Variants in STYXL1 observed in about 807,000 individuals in gnomAD.
STYXL1 encodes the protein serine/threonine/tyrosine interacting like 1.
A neutral mutation model predicts 36.4 loss-of-function variants in STYXL1; 32 were observed. The observed-to-expected ratio is 0.88, with a 90% confidence interval of 0.66 to 1.18. The LOEUF is 1.18. Among genes scored for constraint, STYXL1 ranks in the 50% most tolerant of loss-of-function variants. The pLI is 0.00. For missense variants in STYXL1, 354 were observed against 394.1 expected, an observed-to-expected ratio of 0.90 and a Z score of 0.86; for synonymous variants, 133 against 144.1, an observed-to-expected ratio of 0.92 and a Z score of 0.55.
intron 6 of STYXL1, among the ~76,000 whole-genome samples, 167 bp downstream of exon 6, chr7:76,005,092 C>T (rs1357625116): frequency 1.4e-5 from 2 of 147,366 alleles, no homozygotes; most frequent in African/African-American, 4.9e-5. Context: ...GGGTGCAGCA[C>T]ACCAACATGG....
intron 1 of STYXL1, among the ~76,000 whole-genome samples, chr7:76,047,334 T>C (rs563738391): frequency 8.5e-4 from 130 of 152,326 alleles, no homozygotes; most frequent in Non-Finnish European, 1.4e-3. Context: ...TCTGTCTGCG[T>C]AAACTCTACA....
intron 5 of STYXL1, among the ~76,000 whole-genome samples, chr7:76,011,252 T>A (rs1792520359): frequency 6.6e-6 from 1 of 152,120 alleles, no homozygotes; most frequent in South Asian, 2.1e-4. Flanking sequence ...CATTAACAAC[T>A]CATTGGCCAA....
chr7:76,010,796 C>T (rs1343539079), intron 5 of STYXL1, among the ~76,000 whole-genome samples: 1 of 152,154 alleles, frequency 6.6e-6, no homozygotes, highest in Non-Finnish European at 1.5e-5. Context: ...CCCAGCAAAC[C>T]CTAGGCTGCC....
At chr7:76,027,796 A>AT (rs1794887338) in intron 3 of STYXL1, among the ~76,000 whole-genome samples, 1 of 152,150 alleles carries the variant, frequency 6.6e-6, no homozygotes, top group Admixed American at 6.6e-5. Context: ...AATACCTGGC[A>AT]TATCAAGGAA....
At chr7:76,000,363 G>T (rs1350055855) in intron 8 of STYXL1, 2 of 454,192 alleles carry the variant, frequency 4.4e-6, no homozygotes, top group African/African-American at 4.0e-5. Context: ...CTGGGCAAAT[G>T]TTGGGGCTTT....
Position 76,021,875 on chromosome 7 carries a change from AATC to A in STYXL1, c.280_282del (p.Asp94del), listed in dbSNP as rs782489298. The A allele has an allele frequency of 3.7e-6, 6 of 1,613,008 alleles. No individual in the cohort carries two copies. Among genetic ancestry groups the A allele is most frequent in the South Asian group, 2.2e-5 (2 of 91,060 alleles). On this transcript the variant is annotated inframe_deletion, in exon 4 of 9. Transcript: ENST00000359697. ...CCTTTGCCATCACCATCAGAGTCTG[AATC>A]ATCATCATCATCTTTTAAGAGTATC...
chr7:76,018,375 T>C lies in STYXL1; in HGVS notation c.307+3476A>G, dbSNP rs147859511. Among the ~76,000 whole-genome samples the C allele has an allele frequency of 1.3e-3, 205 of 152,282 alleles. 9 individuals are homozygous for C. The South Asian group carries it at 0.038, about 28-fold the overall frequency. ...ATCTCTTTAGTGTTCATCTACATTA[T>C]AGCACATGTCAGTACTTTTATTTTT... is the stretch of plus-strand genomic sequence containing the variant. On this transcript the variant is annotated intron_variant, in intron 4 of 8. Coordinates refer to ENST00000359697, the MANE Select transcript of STYXL1 (RefSeq NM_001317785.2).
intron 3 of STYXL1, among the ~76,000 whole-genome samples, chr7:76,025,680 C>T (rs565589748): frequency 3.9e-5 from 6 of 152,090 alleles, no homozygotes; most frequent in East Asian, 3.9e-4. Flanking sequence ...ACCCCAGCTA[C>T]GAGGGAGGCT....
rs1795182479 is a variant in STYXL1 at position 76,030,291 on chromosome 7, A to ACCCAG, written c.103+125_103+129dup. The ACCCAG allele has an allele frequency of 5.9e-6, 4 of 676,740 alleles. No individual in the cohort carries two copies. The South Asian group carries it at 7.0e-5, about 12-fold the overall frequency. The allele number at this position is 676,740 out of a possible 1,614,324, so 41.9% of individuals were successfully genotyped here. A position where few individuals can be genotyped will look rare whatever the true frequency, so the allele number is the denominator to read the frequency against. On this transcript the variant is annotated intron_variant, in intron 2 of 8. Transcript: ENST00000359697. The stretch of plus-strand genomic sequence containing the variant: ...TGGGATTACAGGCGTGTGCCACCAC[A>ACCCAG]CCCAGCCCAGGGATCCCTGTTCTAA...
chr7:76,031,408 A>G (rs148233813), intron 1 of STYXL1, among the ~76,000 whole-genome samples: 137 of 150,134 alleles, frequency 9.1e-4, no homozygotes, highest in African/African-American at 3.2e-3. Flanking sequence ...GGAAGTGATC[A>G]GGAGGGCTTC....
At chr7:75,998,139 A>C (rs1790361384) in intron 8 of STYXL1, among the ~76,000 whole-genome samples, 3 of 152,212 alleles carry the variant, frequency 2.0e-5, no homozygotes, top group Admixed American at 2.0e-4. Context: ...AAAATATTTA[A>C]GAAGAACAAA....
At chr7:76,036,750 T>C (rs1283398449) in intron 1 of STYXL1, among the ~76,000 whole-genome samples, 1 of 151,480 alleles carries the variant, frequency 6.6e-6, no homozygotes, top group Non-Finnish European at 1.5e-5. Flanking sequence ...GACATCCTCC[T>C]TTATACAGGA....
chr7:76,015,462 CAA>C (rs1793165518), intron 4 of STYXL1, among the ~76,000 whole-genome samples: 2 of 152,126 alleles, frequency 1.3e-5, no homozygotes, highest in African/African-American at 4.8e-5. Flanking sequence ...TTGGCCTTGG[CAA>C]ATAATTTTTG....
rs189103160 is a variant in STYXL1, at chr7:76,007,446, C to T, written c.454-2042G>A. 1.4e-3 allele frequency among the ~76,000 whole-genome samples: 214 copies of T among 152,098 alleles called. 1 individual carries two copies. Among genetic ancestry groups the T allele is most frequent in the Non-Finnish European group, 2.6e-3 (179 of 67,992 alleles). On this transcript the variant is annotated intron_variant, in intron 5 of 8. Transcript: ENST00000359697. ...TCTCAAATAAATAAAGTATACGAGACGATACGCTTAGGTTAGACGCAAATA... is the reference window on the plus strand; with the variant it reads ...TCTCAAATAAATAAAGTATACGAGATGATACGCTTAGGTTAGACGCAAATA...
intron 1 of STYXL1, among the ~76,000 whole-genome samples, chr7:76,033,506 G>A (rs536726676): frequency 5.3e-5 from 8 of 152,286 alleles, no homozygotes; most frequent in African/African-American, 1.9e-4. Context: ...AGGCCAGTGG[G>A]GGATGGCGAA....
chr7:76,009,541 A>G (rs1308992466), intron 5 of STYXL1, among the ~76,000 whole-genome samples: 3 of 152,110 alleles, frequency 2.0e-5, no homozygotes, highest in East Asian at 1.9e-4. Flanking sequence ...CTCCTGAGTA[A>G]CTGGGATTAC....
At chr7:76,022,024 G>C (rs202197567) in intron 3 of STYXL1, 32 bp from the exon 4 acceptor site, 6 of 1,590,420 alleles carry the variant, frequency 3.8e-6, no homozygotes, top group Non-Finnish European at 5.1e-6. Flanking sequence ...ACACAAGAGA[G>C]GCCTGTTGGT....
At chr7:75,997,542 C>T (rs1790288745) in intron 8 of STYXL1, among the ~76,000 whole-genome samples, 1 of 152,148 alleles carries the variant, frequency 6.6e-6, no homozygotes, top group African/African-American at 2.4e-5. Context: ...CCTCTAAGAT[C>T]GGGAACAAGG....
At chr7:75,996,736 G>A in intron 8 of STYXL1, 137 bp from the exon 9 acceptor site, 2 of 797,344 alleles carry the variant, frequency 2.5e-6, no homozygotes, top group South Asian at 3.4e-5. Flanking sequence ...GCAGAAACAG[G>A]GCAGCCTGGC....
Sources: gnomAD v4.1 joint callset for allele counts (sites outside exome capture counted in the v4.1 genomes callset) on GRCh38, gnomAD v4.1.1 for gene constraint, MANE v1.5 for transcripts, NCBI Gene and HGNC (gene_info 2026-07-23, HGNC 2026-07-21) for gene names.